The following MAGI1 variants were observed in gnomAD, a reference collection of about 807,000 sequenced individuals.
MAGI1 encodes membrane-associated guanylate kinase, WW and PDZ domain-containing protein 1.
A neutral mutation model predicts 139.9 loss-of-function variants in MAGI1; 58 were observed. The observed-to-expected ratio is 0.41, with a 90% CI of 0.34 to 0.52. The LOEUF (loss-of-function observed/expected upper bound fraction) is 0.52. Among genes scored for constraint, MAGI1 ranks in the 20% least tolerant of loss-of-function variants. MAGI1 has a pLI of 0.12. For missense variants in MAGI1, 1,874 were observed against 1,901.6 expected, an observed-to-expected ratio of 0.99 and a Z score of 0.27; for synonymous variants, 812 against 737.9, an observed-to-expected ratio of 1.10 and a Z score of -1.63.
intron 1 of MAGI1, among the ~76,000 whole-genome samples, chr3:65,746,891 G>C (rs2035755472): frequency 6.6e-6 from 1 of 152,168 alleles, no homozygotes; most frequent in South Asian, 2.1e-4. Context: ...CTGGCCTTGG[G>C]GAACTTACAG....
intron 1 of MAGI1, among the ~76,000 whole-genome samples, chr3:65,806,226 C>G (rs2040845644): frequency 6.6e-6 from 1 of 151,930 alleles, no homozygotes; most frequent in Non-Finnish European, 1.5e-5. Context: ...GTCGGGAGAT[C>G]AAGACCATCC....
intron 1 of MAGI1, among the ~76,000 whole-genome samples, chr3:65,820,736 A>C (rs2108250945): frequency 6.6e-6 from 1 of 152,288 alleles, no homozygotes; most frequent in Middle Eastern, 3.4e-3. Flanking sequence ...AATGTGCTTC[A>C]GGCACATTTT....
chr3:65,672,407 CAAAG>C (rs894159789), intron 1 of MAGI1, among the ~76,000 whole-genome samples: 4 of 152,068 alleles, frequency 2.6e-5, no homozygotes, highest in Admixed American at 2.0e-4. Context: ...AAATCGCTGA[CAAAG>C]AAGCCATTTT....
At chr3:66,003,521 G>A (rs2066862922) in intron 1 of MAGI1, among the ~76,000 whole-genome samples, 1 of 152,128 alleles carries the variant, frequency 6.6e-6, no homozygotes, top group Non-Finnish European at 1.5e-5. Context: ...GCAATGGTGT[G>A]ATCTTGGCTC....
At chr3:65,595,211 A>G (rs1004646565) in intron 2 of MAGI1, among the ~76,000 whole-genome samples, 1 of 152,220 alleles carries the variant, frequency 6.6e-6, no homozygotes, top group Non-Finnish European at 1.5e-5. Flanking sequence ...AGCCTTTGCT[A>G]GATGTGTCTT....
At chr3:65,677,763 G>C (rs1226784306) in intron 1 of MAGI1, among the ~76,000 whole-genome samples, 4 of 152,188 alleles carry the variant, frequency 2.6e-5, no homozygotes, top group Non-Finnish European at 4.4e-5. Flanking sequence ...AGGCACCTTG[G>C]CCGAACCCCA....
At chr3:65,611,153 A>G (rs976451243) in intron 2 of MAGI1, among the ~76,000 whole-genome samples, 47 of 140,822 alleles carry the variant, frequency 3.3e-4, no homozygotes, top group African/African-American at 1.2e-3. Flanking sequence ...TATAGTATAT[A>G]TACAGTATTC....
At chr3:65,909,038 T>C (rs1560001936) in intron 1 of MAGI1, among the ~76,000 whole-genome samples, 1 of 152,190 alleles carries the variant, frequency 6.6e-6, no homozygotes, top group African/African-American at 2.4e-5. Flanking sequence ...TAATGCCAAT[T>C]CCATGCACAA....
intron 1 of MAGI1, among the ~76,000 whole-genome samples, chr3:65,771,781 TCC>T (rs1444167526): frequency 3.3e-5 from 5 of 152,202 alleles, no homozygotes; most frequent in African/African-American, 4.8e-5. Flanking sequence ...AACCCAGGAA[TCC>T]CCAGTGCTGT....
intron 5 of MAGI1, among the ~76,000 whole-genome samples, chr3:65,464,514 A>G (rs1412697615): frequency 6.6e-6 from 1 of 151,882 alleles, no homozygotes. Context: ...TAGATTATTT[A>G]AAAGTATGTT....
chr3:65,458,546 T>C (rs1388772058), intron 5 of MAGI1, among the ~76,000 whole-genome samples: 6 of 152,166 alleles, frequency 3.9e-5, no homozygotes, highest in East Asian at 1.9e-4. Flanking sequence ...TTGATTTGCA[T>C]TTCTCTGATG....
intron 2 of MAGI1, among the ~76,000 whole-genome samples, chr3:65,546,698 A>G (rs138208596): frequency 6.6e-6 from 1 of 152,340 alleles, no homozygotes; most frequent in African/African-American, 2.4e-5. Context: ...CAGCCTATGA[A>G]GAAAGTAAAT....
chr3:65,604,576 T>C (rs1210266228), intron 2 of MAGI1, among the ~76,000 whole-genome samples: 3 of 152,134 alleles, frequency 2.0e-5, no homozygotes, highest in Admixed American at 2.0e-4. Flanking sequence ...TTCACAGTTA[T>C]TTATATATTC....
At chr3:65,998,436 A>C (rs1208220591) in intron 1 of MAGI1, among the ~76,000 whole-genome samples, 4 of 151,830 alleles carry the variant, frequency 2.6e-5, no homozygotes, top group African/African-American at 9.7e-5. Context: ...CATTTGCTGA[A>C]GTAACAAATG....
chr3:65,600,147 A>G (rs2106829638), intron 2 of MAGI1, among the ~76,000 whole-genome samples: 1 of 152,340 alleles, frequency 6.6e-6, no homozygotes, highest in East Asian at 1.9e-4. Context: ...GTATTTTATT[A>G]GTTTTCCACA....
intron 1 of MAGI1, among the ~76,000 whole-genome samples, chr3:65,796,515 G>A (rs1264769293): frequency 6.6e-6 from 1 of 152,160 alleles, no homozygotes; most frequent in East Asian, 1.9e-4. Flanking sequence ...GAAAATATGA[G>A]GGGAAACGGA....
chr3:65,619,918 A>G, intron 2 of MAGI1: 1 of 985,232 alleles, frequency 1.0e-6, no homozygotes, highest in Non-Finnish European at 1.2e-6. Context: ...TTTCACAGCC[A>G]TAAAACATCA....
intron 10 of MAGI1, among the ~76,000 whole-genome samples, chr3:65,433,820 G>T (rs1947638238): frequency 6.6e-6 from 1 of 151,986 alleles, no homozygotes; most frequent in Non-Finnish European, 1.5e-5. Context: ...GTCACTTCTT[G>T]ACACTAGTGT....
At chr3:65,859,863 C>A (rs1056058312) in intron 1 of MAGI1, among the ~76,000 whole-genome samples, 4 of 151,098 alleles carry the variant, frequency 2.6e-5, no homozygotes, top group African/African-American at 9.7e-5. Context: ...AAAAAGTAAC[C>A]TATGCTAACC....
Sources: allele counts gnomAD v4.1 joint callset (sites outside exome capture counted in the v4.1 genomes callset), GRCh38; gene constraint gnomAD v4.1.1; transcripts MANE v1.5; gene names NCBI Gene and HGNC (gene_info 2026-07-23, HGNC 2026-07-21).